NDUFAF2: variants seen among roughly 807,000 people sequenced by gnomAD.
NDUFAF2 encodes the protein NADH dehydrogenase [ubiquinone] 1 alpha subcomplex assembly factor 2.
NDUFAF2 carries 13 observed loss-of-function variants against 22.8 expected under a neutral mutation model. The observed-to-expected ratio is 0.57, with a 90% CI of 0.37 to 0.91. The LOEUF is 0.91. Ranked by LOEUF, NDUFAF2 falls within the 40% of genes least tolerant of loss-of-function variation. The probability of loss-of-function intolerance (pLI) is 0.01; values close to 1 mark genes in which losing one functional copy is unlikely to be tolerated. For missense variants in NDUFAF2, 162 were observed against 195.2 expected, an observed-to-expected ratio of 0.83 and a Z score of 1.01; for synonymous variants, 53 against 64.2, an observed-to-expected ratio of 0.83 and a Z score of 0.84.
rs148079410 is a variant in NDUFAF2, at chr5:61,140,986, T to G, written c.259-11718T>G. 8.6e-3 allele frequency among the ~76,000 whole-genome samples: 1,317 copies of G among 152,258 alleles called. 22 individuals carry two copies. Among genetic ancestry groups the G allele is most frequent in the African/African-American group, 0.03 (1,262 of 41,558 alleles). Reference sequence around the variant, plus strand: ...GCTCACGCCTGTAATCCCAGCACTTTGGGAGGCCAAGGCGGGCGGATCACC... The same window carrying G: ...GCTCACGCCTGTAATCCCAGCACTTGGGGAGGCCAAGGCGGGCGGATCACC... On this transcript the variant is annotated intron_variant, in intron 3 of 3. Transcript: ENST00000296597.
At chr5:60,985,495 A>G (rs968207401) in intron 1 of NDUFAF2, among the ~76,000 whole-genome samples, 1 of 151,920 alleles carries the variant, frequency 6.6e-6, no homozygotes, top group Non-Finnish European at 1.5e-5. Flanking sequence ...TTAGGGTGTC[A>G]ATTTTAGATC....
intron 1 of NDUFAF2, among the ~76,000 whole-genome samples, chr5:60,983,176 C>T (rs1751012346): frequency 6.7e-6 from 1 of 150,106 alleles, no homozygotes. Context: ...TTTCATGTGT[C>T]TTTTGGCTGC....
At chr5:60,981,814 A>T (rs2112579009) in intron 1 of NDUFAF2, among the ~76,000 whole-genome samples, 1 of 152,278 alleles carries the variant, frequency 6.6e-6, no homozygotes, top group East Asian at 1.9e-4. Flanking sequence ...TCCACAGTGA[A>T]CTCATTTTCA....
intron 1 of NDUFAF2, among the ~76,000 whole-genome samples, chr5:60,986,288 C>A (rs746875549): frequency 1.1e-4 from 16 of 151,934 alleles, no homozygotes; most frequent in Admixed American, 5.9e-4. Flanking sequence ...GTACATTGTA[C>A]AATAAAAATG....
chr5:61,132,308 AGG>A (rs1325623134), intron 3 of NDUFAF2, among the ~76,000 whole-genome samples: 1 of 152,172 alleles, frequency 6.6e-6, no homozygotes, highest in African/African-American at 2.4e-5. Flanking sequence ...TGAAAGAAAG[AGG>A]GCTTCAGCCT....
At chr5:60,958,095 A>G (rs904170362) in intron 1 of NDUFAF2, among the ~76,000 whole-genome samples, 1 of 152,186 alleles carries the variant, frequency 6.6e-6, no homozygotes, top group African/African-American at 2.4e-5. Context: ...CACTTGTGCT[A>G]ATTCACAGGC....
At position 61,069,086 on chromosome 5, in the gene NDUFAF2, C is replaced by T. The variant is rs188625561; in HGVS notation, c.128-4039C>T. 2.4e-3 allele frequency among the ~76,000 whole-genome samples: 362 copies of T among 149,836 alleles called. 2 individuals carry two copies. The highest frequency in any genetic ancestry group is 8.4e-3 in the African/African-American group (345 of 40,964). ...ACTCATGCAGAGCTAAAACTTAGTT[C>T]AATATCTGGCACATGGTAAACATGC... On this transcript the variant is annotated intron_variant, in intron 1 of 3. Transcript: ENST00000296597.
chr5:61,134,212 A>T (rs144633493), intron 3 of NDUFAF2, among the ~76,000 whole-genome samples: 10 of 152,038 alleles, frequency 6.6e-5, no homozygotes, highest in African/African-American at 2.4e-4. Context: ...GGAGAAAGAG[A>T]TGCACATGTA....
intron 2 of NDUFAF2, among the ~76,000 whole-genome samples, chr5:61,082,150 G>A (rs1414935160): frequency 1.3e-5 from 2 of 152,224 alleles, no homozygotes; most frequent in Non-Finnish European, 2.9e-5. Flanking sequence ...GTGCATGAGT[G>A]TAAGATTGAT....
At chr5:60,985,990 C>T (rs1354203009) in intron 1 of NDUFAF2, among the ~76,000 whole-genome samples, 4 of 152,124 alleles carry the variant, frequency 2.6e-5, no homozygotes, top group East Asian at 1.9e-4. Flanking sequence ...AAAAGACAGG[C>T]AACAACACAC....
At chr5:61,008,337 C>T (rs938886587) in intron 1 of NDUFAF2, among the ~76,000 whole-genome samples, 2 of 151,896 alleles carry the variant, frequency 1.3e-5, no homozygotes, top group Non-Finnish European at 2.9e-5. Context: ...TCTCTCAAAC[C>T]TTGATAATTG....
chr5:61,128,386 T>G (rs1329292893), intron 3 of NDUFAF2, among the ~76,000 whole-genome samples: 2 of 152,162 alleles, frequency 1.3e-5, no homozygotes, highest in African/African-American at 4.8e-5. Context: ...TCACGCTACC[T>G]GACTTCAAAC....
At chr5:61,133,614 G>A (rs2111816494) in intron 3 of NDUFAF2, among the ~76,000 whole-genome samples, 1 of 152,290 alleles carries the variant, frequency 6.6e-6, no homozygotes, top group Non-Finnish European at 1.5e-5. Context: ...GATGGAATAT[G>A]ATATATTCTT....
intron 1 of NDUFAF2, among the ~76,000 whole-genome samples, chr5:60,988,480 A>G (rs1751112790): frequency 6.6e-6 from 1 of 152,180 alleles, no homozygotes; most frequent in African/African-American, 2.4e-5. Flanking sequence ...AAGCAATCCT[A>G]AGCTTAAAGA....
intron 3 of NDUFAF2, among the ~76,000 whole-genome samples, chr5:61,138,830 C>A (rs1026795288): frequency 2.0e-5 from 3 of 152,138 alleles, no homozygotes; most frequent in Non-Finnish European, 4.4e-5. Context: ...AAACTTGTTT[C>A]AAGTGTAGTC....
At chr5:61,107,665 C>CTATTAT (rs56936586) in intron 3 of NDUFAF2, among the ~76,000 whole-genome samples, 20,198 of 148,730 alleles carry the variant, frequency 0.14, 1,697 homozygotes, top group South Asian at 0.25. Context: ...ATTATGATTA[C>CTATTAT]TATTATTATT....
At chr5:60,983,005 C>T (rs1054888995) in intron 1 of NDUFAF2, among the ~76,000 whole-genome samples, 8 of 151,410 alleles carry the variant, frequency 5.3e-5, no homozygotes, top group African/African-American at 1.5e-4. Context: ...AACTAGTTTA[C>T]GGTCCCACCA....
At chr5:60,973,373 C>G (rs1364096533) in intron 1 of NDUFAF2, among the ~76,000 whole-genome samples, 1 of 152,086 alleles carries the variant, frequency 6.6e-6, no homozygotes, top group African/African-American at 2.4e-5. Context: ...GTTTAGGAAG[C>G]TTACTGTTGC....
intron 1 of NDUFAF2, among the ~76,000 whole-genome samples, chr5:61,008,660 C>T (rs566269647): frequency 1.3e-5 from 2 of 152,174 alleles, no homozygotes; most frequent in Admixed American, 6.6e-5. Context: ...ATTATTACCA[C>T]CTTTATCTTT....
Sources: gnomAD v4.1 joint callset for allele counts (sites outside exome capture counted in the v4.1 genomes callset) on GRCh38, gnomAD v4.1.1 for gene constraint, MANE v1.5 for transcripts, NCBI Gene and HGNC (gene_info 2026-07-23, HGNC 2026-07-21) for gene names.